SSBP2: variants seen among roughly 807,000 people sequenced by gnomAD.
The protein encoded by SSBP2 is single stranded DNA binding protein 2.
A neutral mutation model predicts 61.8 loss-of-function variants in SSBP2; 17 were observed. The observed-to-expected ratio is 0.28, with a 90% CI of 0.19 to 0.41. SSBP2 has a LOEUF of 0.41. SSBP2 is among the 10% of genes least tolerant of loss of function. SSBP2 has a pLI of 1.00. For synonymous variants in SSBP2, 139 were observed against 141.3 expected (o/e 0.98, Z 0.12); for missense variants, 310 against 458.7 (o/e 0.68, Z 2.96).
In SSBP2 at chr5:81,562,018, T is replaced by C. The variant is rs150521729; in HGVS notation, c.283-48301A>G. 4.8e-3 allele frequency among the ~76,000 whole-genome samples: 726 copies of C among 151,998 alleles called. 5 individuals are homozygous for C. Among genetic ancestry groups the C allele is most frequent in the African/African-American group, 0.016 (670 of 41,494 alleles). ...CTCCCGAGTTCAAGCGATTCTCCTG[T>C]CTCAGCCTCCCAAGTAGCTGGGGCT... On this transcript the variant is annotated intron_variant, in intron 4 of 16. Transcript: ENST00000320672.
chr5:81,459,180 G>A (rs528008451), intron 10 of SSBP2, among the ~76,000 whole-genome samples: 5 of 152,206 alleles, frequency 3.3e-5, no homozygotes, highest in Admixed American at 2.0e-4. Context: ...GTGTTATAGC[G>A]TATTCTCCTA....
At chr5:81,697,138 A>G (rs770590064) in intron 1 of SSBP2, among the ~76,000 whole-genome samples, 2 of 152,256 alleles carry the variant, frequency 1.3e-5, no homozygotes, top group African/African-American at 2.4e-5. Context: ...GATGTTATCT[A>G]CCCAAGACAG....
At chr5:81,590,840 C>T (rs1181488172) in intron 4 of SSBP2, among the ~76,000 whole-genome samples, 1 of 152,146 alleles carries the variant, frequency 6.6e-6, no homozygotes, top group Non-Finnish European at 1.5e-5. Flanking sequence ...TGTGGGAAAA[C>T]AGTAGAATAA....
intron 2 of SSBP2, among the ~76,000 whole-genome samples, chr5:81,644,560 A>G (rs1749094614): frequency 6.6e-6 from 1 of 152,230 alleles, no homozygotes; most frequent in South Asian, 2.1e-4. Context: ...GCTTATGTCT[A>G]GTATTCAAGT....
intron 1 of SSBP2, among the ~76,000 whole-genome samples, chr5:81,677,520 T>G (rs1221080339): frequency 6.6e-6 from 1 of 151,684 alleles, no homozygotes; most frequent in Non-Finnish European, 1.5e-5. Context: ...AGTCCAAGAG[T>G]AAAAAAACTC....
intron 1 of SSBP2, among the ~76,000 whole-genome samples, chr5:81,742,303 GA>G (rs1217772794): frequency 6.6e-6 from 1 of 152,000 alleles, no homozygotes; most frequent in Non-Finnish European, 1.5e-5. Context: ...TTCAAAGAAA[GA>G]ATACTAAATG....
intron 3 of SSBP2, among the ~76,000 whole-genome samples, chr5:81,630,536 A>G (rs1747603758): frequency 6.6e-6 from 1 of 152,210 alleles, no homozygotes; most frequent in African/African-American, 2.4e-5. Flanking sequence ...AAACATTAAA[A>G]AACTGTACCT....
At chr5:81,622,855 A>T (rs1295309335) in intron 3 of SSBP2, among the ~76,000 whole-genome samples, 2 of 152,230 alleles carry the variant, frequency 1.3e-5, no homozygotes, top group Non-Finnish European at 2.9e-5. Flanking sequence ...AATTCAGTAA[A>T]GTAAGATTAC....
chr5:81,510,967 A>T (rs1328610345), intron 5 of SSBP2, among the ~76,000 whole-genome samples: 1 of 152,014 alleles, frequency 6.6e-6, no homozygotes, highest in Non-Finnish European at 1.5e-5. Context: ...CTACTAACCT[A>T]CAAGGCCCCT....
chr5:81,506,235 T>C (rs554751976), intron 5 of SSBP2, among the ~76,000 whole-genome samples: 1 of 152,208 alleles, frequency 6.6e-6, no homozygotes, highest in East Asian at 1.9e-4. Flanking sequence ...TACAAAATTA[T>C]ATTTTTAAGA....
rs188114894 is a variant in SSBP2 at position 81,454,983 on chromosome 5, C to T, written c.687+6072G>A. Among the ~76,000 whole-genome samples, 114 of 151,900 alleles carry T rather than the reference C, an allele frequency of 7.5e-4. 1 individual carries two copies. The highest frequency in any genetic ancestry group is 2.6e-3 in the African/African-American group (106 of 41,412). ...TTGCAATAGTATTCACTGAGGAGGA[C>T]AAGAAAAGTAGCTAAGGAAGAGTGA... On this transcript the variant is annotated intron_variant, in intron 10 of 16. Transcript: ENST00000320672.
intron 1 of SSBP2, among the ~76,000 whole-genome samples, chr5:81,654,089 G>A (rs537098644): frequency 4.0e-5 from 6 of 151,286 alleles, no homozygotes; most frequent in South Asian, 2.1e-4. Flanking sequence ...TCAGCCTCCC[G>A]AGCAGCTTGG....
chr5:81,447,322 C>T (rs1372883995), intron 11 of SSBP2, among the ~76,000 whole-genome samples: 1 of 152,102 alleles, frequency 6.6e-6, no homozygotes, highest in Non-Finnish European at 1.5e-5. Context: ...AAGATATCTG[C>T]TTATTGATTC....
chr5:81,610,693 T>C (rs1446150133), intron 4 of SSBP2, among the ~76,000 whole-genome samples: 1 of 152,118 alleles, frequency 6.6e-6, no homozygotes. Flanking sequence ...TTTCATGAAG[T>C]CTGAAAATAG....
At chr5:81,637,703 C>T (rs900643180) in intron 2 of SSBP2, among the ~76,000 whole-genome samples, 1 of 152,104 alleles carries the variant, frequency 6.6e-6, no homozygotes, top group Non-Finnish European at 1.5e-5. Context: ...CTGGTTAGTA[C>T]ATGAAAATCA....
chr5:81,646,495 G>T (rs1488603113), intron 2 of SSBP2, among the ~76,000 whole-genome samples: 1 of 151,856 alleles, frequency 6.6e-6, no homozygotes, highest in African/African-American at 2.4e-5. Context: ...ACTCAGACCA[G>T]TTAAGAAGTC....
intron 1 of SSBP2, among the ~76,000 whole-genome samples, chr5:81,698,066 A>C (rs1753712543): frequency 6.6e-6 from 1 of 152,312 alleles, no homozygotes; most frequent in East Asian, 1.9e-4. Flanking sequence ...TGATACTGGG[A>C]AATTTATGTG....
rs574047617 is a variant in SSBP2, at chr5:81,486,350, C to T, written c.432+2900G>A. On this transcript the variant is annotated intron_variant, in intron 6 of 16. Coordinates refer to ENST00000320672, the MANE Select transcript of SSBP2 (RefSeq NM_012446.5). ...AAAGTGTTCATTTTGTTAGTCTCTA[C>T]GGAACCTAGGATATGGAACCTAGGA... Among the ~76,000 whole-genome samples the T allele has an allele frequency of 5.2e-3, 788 of 152,236 alleles. 5 individuals carry two copies. Among genetic ancestry groups the T allele is most frequent in the Middle Eastern group, 0.017 (5 of 294 alleles).
chr5:81,574,054 C>T (rs2972244), intron 4 of SSBP2, among the ~76,000 whole-genome samples: 104,216 of 151,804 alleles, frequency 0.69, 37,840 homozygotes, highest in African/African-American at 0.91. Context: ...GGCAGGAGAA[C>T]GGCATGAATC....
Sources: allele counts gnomAD v4.1 joint callset (sites outside exome capture counted in the v4.1 genomes callset), GRCh38; gene constraint gnomAD v4.1.1; transcripts MANE v1.5; gene names NCBI Gene and HGNC (gene_info 2026-07-23, HGNC 2026-07-21).